The following KCNQ1OT1 variants were observed in gnomAD, a reference collection of about 807,000 sequenced individuals.
The protein encoded by KCNQ1OT1 is KCNQ1 opposite strand/antisense transcript 1, also known as KCNQ1 antisense RNA 2 (non-protein coding).
At chr11:2,609,860 A>G in exon 1 of KCNQ1OT1, 2 of 398,188 alleles carry the variant, frequency 5.0e-6, no homozygotes, top group Non-Finnish European at 8.9e-6. Context: ...TGCTGCTTAC[A>G]TGATATATCT....
At chr11:2,672,268 C>T in exon 1 of KCNQ1OT1, 1 of 398,654 alleles carries the variant, frequency 2.5e-6, no homozygotes, top group Non-Finnish European at 4.4e-6. Flanking sequence ...TTTTGAACTG[C>T]CCCACGAACC....
chr11:2,688,440 G>A, exon 1 of KCNQ1OT1: 1 of 398,780 alleles, frequency 2.5e-6, no homozygotes, highest in Non-Finnish European at 4.4e-6. Context: ...CCCTGCCTGT[G>A]CCATCACTAT....
At chr11:2,628,718 T>C (rs908215736) in exon 1 of KCNQ1OT1, 5 of 398,336 alleles carry the variant, frequency 1.3e-5, no homozygotes, top group South Asian at 1.3e-4. Context: ...CAAAAACCAA[T>C]GGCAAGGAGC....
In KCNQ1OT1 at chr11:2,683,571, C is replaced by T. The variant is rs951589544; in HGVS notation, n.16424G>A. 7.0e-5 allele frequency: 28 copies of T among 398,644 alleles called. No homozygotes were observed. The highest frequency in any genetic ancestry group is 5.7e-4 in the African/African-American group (28 of 48,744). 24.7% of individuals were successfully genotyped at this position (398,644 alleles called of 1,614,324 possible). Reference sequence around the variant, plus strand: ...GAAGCCCCTACCTACTGACTGGCATCACAAACACTGCCCTGAAATGCCAAC... The same window carrying T: ...GAAGCCCCTACCTACTGACTGGCATTACAAACACTGCCCTGAAATGCCAAC... On this transcript the variant is annotated non_coding_transcript_exon_variant, in exon 1 of 1. Coordinates refer to ENST00000597346, the Ensembl canonical transcript of KCNQ1OT1. This position sits in a 1 kb window ranked among gnomAD's most constrained non-coding sequence, Gnocchi z 4.7.
chr11:2,685,278 T>C, exon 1 of KCNQ1OT1: 1 of 398,672 alleles, frequency 2.5e-6, no homozygotes, highest in Non-Finnish European at 4.4e-6. Flanking sequence ...CACTGTGTCT[T>C]GCCCACAAAC....
rs1245904998 is a variant in KCNQ1OT1 at position 2,679,985 on chromosome 11, C to T, written n.20010G>A. ...CTCGGCTTACTGCAACCTCTACCTCCTGGGTTCAAGCAATTCTCCTGCCTT... is the reference window on the plus strand; with the variant it reads ...CTCGGCTTACTGCAACCTCTACCTCTTGGGTTCAAGCAATTCTCCTGCCTT... On this transcript the variant is annotated non_coding_transcript_exon_variant, in exon 1 of 1. Transcript: ENST00000597346. The surrounding 1 kb of genome is among the most constrained non-coding windows in gnomAD (Gnocchi z 4.8). The T allele has an allele frequency of 2.5e-6, 1 of 396,984 alleles. No homozygotes were observed. The highest frequency in any genetic ancestry group is 2.1e-5 in the African/African-American group (1 of 48,512). The allele number at this position is 396,984 out of a possible 1,614,324, so 24.6% of individuals were successfully genotyped here.
exon 1 of KCNQ1OT1, chr11:2,649,879 G>T (rs1849731060): frequency 2.5e-6 from 1 of 398,328 alleles, no homozygotes; most frequent in African/African-American, 2.1e-5. Context: ...TTCTTAAATA[G>T]ATTTTCTGGT....
exon 1 of KCNQ1OT1, chr11:2,697,866 C>T (rs1850705151): frequency 2.5e-6 from 1 of 398,498 alleles, no homozygotes; most frequent in Non-Finnish European, 4.4e-6. Context: ...CTCTGATTCG[C>T]AATTTTAAAA....
At chr11:2,692,886 C>T in exon 1 of KCNQ1OT1, 1 of 397,862 alleles carries the variant, frequency 2.5e-6, no homozygotes, top group Non-Finnish European at 4.4e-6. Flanking sequence ...TGTGTAGATG[C>T]AGCAAGCTGG....
chr11:2,610,652 G>C, exon 1 of KCNQ1OT1: 1 of 395,912 alleles, frequency 2.5e-6, no homozygotes. Flanking sequence ...TTGTTTATCT[G>C]GGAATGCTTT....
chr11:2,649,498 T>G (rs1445332500), exon 1 of KCNQ1OT1: 1 of 398,592 alleles, frequency 2.5e-6, no homozygotes, highest in Admixed American at 4.4e-5. Flanking sequence ...CAGTTTTTGC[T>G]TGTCTGAGGG....
At chr11:2,656,076 C>T (rs924305649) in exon 1 of KCNQ1OT1, 4 of 398,532 alleles carry the variant, frequency 1.0e-5, no homozygotes, top group African/African-American at 6.2e-5. Context: ...TGGAGATGGG[C>T]ACTTGTCATC....
chr11:2,628,000 C>T lies in KCNQ1OT1; in HGVS notation n.71995G>A, dbSNP rs1219205424. ...CTCCTGTGTTCAAGCTATCCTTCAC[C>T]TTGGCCACCCCCAAGTACTGGGATT... On this transcript the variant is annotated non_coding_transcript_exon_variant, in exon 1 of 1. Coordinates refer to ENST00000597346, the Ensembl canonical transcript of KCNQ1OT1. The surrounding 1 kb of genome is among the most constrained non-coding windows in gnomAD (Gnocchi z 4.9). 1.5e-5 allele frequency: 6 copies of T among 398,520 alleles called. No individual in the cohort carries two copies. The East Asian group carries it at 2.1e-4, about 14-fold the overall frequency. The allele number at this position is 398,520 out of a possible 1,614,324, so 24.7% of individuals were successfully genotyped here.
exon 1 of KCNQ1OT1, chr11:2,684,537 T>C (rs1411115891): frequency 7.5e-6 from 3 of 398,548 alleles, no homozygotes; most frequent in Admixed American, 8.8e-5. Context: ...AAAAGCAATA[T>C]ATTTGATGCT....
rs1205552952 is a variant in KCNQ1OT1 at position 2,662,026 on chromosome 11, G to A, written n.37969C>T. 2.4e-5 allele frequency: 38 copies of A among 1,614,090 alleles called. 1 individual carries two copies. The Admixed American group carries it at 5.2e-4, about 22-fold the overall frequency. On this transcript the variant is annotated non_coding_transcript_exon_variant, in exon 1 of 1. Coordinates refer to ENST00000597346, the Ensembl canonical transcript of KCNQ1OT1. ...TTTCATGAGAACCAACAGCTTCGCC[G>A]AGGACCTGGACCTGGAAGGGGAGAC...
In KCNQ1OT1 at chr11:2,682,641, G is replaced by C. The variant is rs981449654; in HGVS notation, n.17354C>G. On this transcript the variant is annotated non_coding_transcript_exon_variant, in exon 1 of 1. Transcript: ENST00000597346. The surrounding 1 kb of genome is among the most constrained non-coding windows in gnomAD (Gnocchi z 5.8). ...CTCTTCTTCAGGCTCAGTCATCCCT[G>C]CTTCCCCAGGGCTCATGTCCACATG... 5.0e-6 allele frequency: 2 copies of C among 398,426 alleles called. No individual in the cohort carries two copies. Among genetic ancestry groups the C allele is most frequent in the Admixed American group, 8.8e-5 (2 of 22,706 alleles). The allele number at this position is 398,426 out of a possible 1,614,324, so 24.7% of individuals were successfully genotyped here.
rs1850027793 is a variant in KCNQ1OT1 at position 2,664,505 on chromosome 11, GCA to G, written n.35488_35489del. On this transcript the variant is annotated non_coding_transcript_exon_variant, in exon 1 of 1. Transcript: ENST00000597346. The surrounding 1 kb of genome is among the most constrained non-coding windows in gnomAD (Gnocchi z 5.1). ...TGGGGGAGAAGGCTGGCAGCAGTGG[GCA>G]CCCTGTTTCCTCAGGGCCCAAACCG... 2.5e-6 allele frequency: 1 copy of G among 398,684 alleles called. No individual in the cohort carries two copies. Among genetic ancestry groups the G allele is most frequent in the African/African-American group, 2.1e-5 (1 of 48,640 alleles). 24.7% of individuals were successfully genotyped at this position (398,684 alleles called of 1,614,324 possible).
At chr11:2,630,167 C>G (rs1028773318) in exon 1 of KCNQ1OT1, 3 of 398,116 alleles carry the variant, frequency 7.5e-6, no homozygotes, top group African/African-American at 6.2e-5. Flanking sequence ...TTGCACTTAT[C>G]AAAATGATTG....
chr11:2,692,072 T>C, exon 1 of KCNQ1OT1: 3 of 398,762 alleles, frequency 7.5e-6, no homozygotes, highest in Non-Finnish European at 1.3e-5. Context: ...CAGACCCACA[T>C]TCCAGTCACC....
Sources: allele counts gnomAD v4.1 joint callset, GRCh38; gene constraint gnomAD v4.1.1; non-coding constraint Gnocchi (gnomAD v3.1); transcripts MANE v1.5; gene names NCBI Gene and HGNC (gene_info 2026-07-23, HGNC 2026-07-21).